Variants in CREBBP observed in about 807,000 individuals in gnomAD.
CREBBP encodes the protein CREB-binding protein.
In CREBBP, 19 loss-of-function variants were observed where a neutral mutation model predicts 265.0. The ratio of observed to expected loss-of-function variants is 0.07; its 90% CI spans 0.05 to 0.11. The LOEUF (loss-of-function observed/expected upper bound fraction) is 0.11, where lower values mean the gene tolerates loss of function less well. Ranked by LOEUF, CREBBP falls within the 10% of genes least tolerant of loss-of-function variation. CREBBP has a pLI of 1.00. For synonymous variants in CREBBP, 1,457 were observed against 1,223.7 expected, an observed-to-expected ratio of 1.19 and a Z score of -3.98; for missense variants, 2,525 against 3,219.0, an observed-to-expected ratio of 0.78 and a Z score of 5.22.
intron 2 of CREBBP, among the ~76,000 whole-genome samples, chr16:3,836,104 T>C (rs1291660748): frequency 6.6e-6 from 1 of 151,906 alleles, no homozygotes; most frequent in East Asian, 1.9e-4. Flanking sequence ...ATGATTCCAT[T>C]ACGTGAGGTC....
At chr16:3,849,479 GTGTGT>G (rs2054777486) in intron 2 of CREBBP, among the ~76,000 whole-genome samples, 7 of 121,046 alleles carry the variant, frequency 5.8e-5, no homozygotes, top group Non-Finnish European at 8.6e-5. Flanking sequence ...GTGTGTGTGT[GTGTGT>G]GTGTGATGTG....
chr16:3,803,898 T>C (rs1308765809), intron 3 of CREBBP, among the ~76,000 whole-genome samples: 1 of 151,966 alleles, frequency 6.6e-6, no homozygotes, highest in African/African-American at 2.4e-5. Context: ...CTCAGCAACA[T>C]GGCGAAACCT....
At chr16:3,789,903 C>T (rs1057234908) in intron 5 of CREBBP, among the ~76,000 whole-genome samples, 1 of 151,498 alleles carries the variant, frequency 6.6e-6, no homozygotes, top group Admixed American at 6.6e-5. Flanking sequence ...AAACCACATA[C>T]GCTTCTTTTT....
chr16:3,745,949 G>A (rs368923066), intron 21 of CREBBP, among the ~76,000 whole-genome samples: 7 of 152,230 alleles, frequency 4.6e-5, no homozygotes, highest in East Asian at 3.8e-4. Flanking sequence ...TGAAGCGAGA[G>A]AATGGACCAC....
At chr16:3,778,623 A>C in intron 9 of CREBBP, 77 bp downstream of exon 9, 1 of 1,210,282 alleles carries the variant, frequency 8.3e-7, no homozygotes, top group Admixed American at 1.7e-5. Context: ...CACTATTTCC[A>C]GATAACAAAG....
chr16:3,776,493 A>G (rs1013110359), intron 11 of CREBBP, among the ~76,000 whole-genome samples: 1 of 152,016 alleles, frequency 6.6e-6, no homozygotes, highest in East Asian at 1.9e-4. Flanking sequence ...CTGTGTGTAC[A>G]CTCTCTCCAG....
rs192450684 is a variant in CREBBP, at chr16:3,831,772, G to A, written c.798+18525C>T. Among the ~76,000 whole-genome samples the A allele has an allele frequency of 5.8e-3, 877 of 152,172 alleles. 4 individuals carry two copies. The highest frequency in any genetic ancestry group is 0.011 in the East Asian group (59 of 5,184). ...AGCACTTTGGGAGGCTGAGGCAGGC[G>A]GATCACTTGAGGTCAGGAGTTCGAC... On this transcript the variant is annotated intron_variant, in intron 2 of 30. Transcript: ENST00000262367.
At position 3,814,602 on chromosome 16, in the gene CREBBP, T is replaced by G. The variant is rs377455340; in HGVS notation, c.799-3823A>C. Among the ~76,000 whole-genome samples the G allele has an allele frequency of 5.9e-5, 9 of 152,276 alleles. No homozygotes were observed. In the South Asian group the frequency reaches 1.2e-3, roughly 21 times the overall value. ...GGTAACCCAGTGTTTGGAAGCGCTCTGACAGATTTCATCAAAAACGTGTTT... is the reference window on the plus strand; with the variant it reads ...GGTAACCCAGTGTTTGGAAGCGCTCGGACAGATTTCATCAAAAACGTGTTT... On this transcript the variant is annotated intron_variant, in intron 2 of 30. Transcript: ENST00000262367.
intron 3 of CREBBP, among the ~76,000 whole-genome samples, chr16:3,805,314 T>C (rs1567327353): frequency 6.6e-6 from 1 of 152,236 alleles, no homozygotes; most frequent in African/African-American, 2.4e-5. Context: ...TTCATAATCA[T>C]AGTGTAATTT....
At chr16:3,854,199 T>C (rs2054913995) in intron 1 of CREBBP, among the ~76,000 whole-genome samples, 1 of 152,054 alleles carries the variant, frequency 6.6e-6, no homozygotes, top group South Asian at 2.1e-4. Flanking sequence ...AGTGACACAA[T>C]CTCAGCTAAG....
intron 2 of CREBBP, among the ~76,000 whole-genome samples, chr16:3,849,752 T>C (rs2054787112): frequency 6.6e-6 from 1 of 151,920 alleles, no homozygotes; most frequent in South Asian, 2.1e-4. Context: ...AACAAGCTTC[T>C]AGGGGATGCT....
In CREBBP at chr16:3,727,294, C is replaced by G. The variant is rs900792095; in HGVS notation, c.*424G>C. 3 of 261,616 alleles carry G rather than the reference C, an allele frequency of 1.1e-5. No individual in the cohort carries two copies. The highest frequency in any genetic ancestry group is 2.2e-5 in the Non-Finnish European group (3 of 135,888). 16.2% of individuals were successfully genotyped at this position (261,616 alleles called of 1,614,324 possible). A position where few individuals can be genotyped will look rare whatever the true frequency, so the allele number is the denominator to read the frequency against. Reference sequence around the variant, plus strand: ...TATAAGCTTGCATTATTTCAGGAATCAGTTCTGAATATTATTTTTCTTCTT... The same window carrying G: ...TATAAGCTTGCATTATTTCAGGAATGAGTTCTGAATATTATTTTTCTTCTT... On this transcript the variant is annotated 3_prime_UTR_variant, in exon 31 of 31. Coordinates refer to ENST00000262367, the MANE Select transcript of CREBBP (RefSeq NM_004380.3).
At chr16:3,796,115 A>T (rs1218515203) in intron 3 of CREBBP, among the ~76,000 whole-genome samples, 2 of 152,208 alleles carry the variant, frequency 1.3e-5, no homozygotes, top group Non-Finnish European at 2.9e-5. Context: ...ACTGTGTCTT[A>T]AAGTACAGAA....
At chr16:3,852,356 G>A (rs941323711) in intron 1 of CREBBP, among the ~76,000 whole-genome samples, 2 of 150,932 alleles carry the variant, frequency 1.3e-5, no homozygotes, top group African/African-American at 4.9e-5. Context: ...TTTTAGTAGA[G>A]ACGGGGTTTC....
In CREBBP at chr16:3,728,673, G is replaced by T. The variant is rs2051821409; in HGVS notation, c.6374C>A (p.Pro2125His). 2.5e-6 allele frequency: 4 copies of T among 1,613,844 alleles called. No homozygotes were observed. The highest frequency in any genetic ancestry group is 1.7e-5 in the Admixed American group (1 of 60,008). The stretch of plus-strand genomic sequence containing the variant: ...CATGCCAGGCTGGGGTTGCATGCCG[G>T]GCTGGGACTGGAGGCCAGGCTGGGG... The part of the protein sequence containing the change: ...MQPQPGLQSQ[P>H]GMQPQPGMHQ... The change falls in exon 31 of 31, where the codon CCC becomes CAC. Residue 2125 changes from proline to histidine, a missense_variant. Physicochemically the swap from Pro to His is moderately conservative, Grantham distance 77. Around this residue, in one of 19 missense-constraint regions of CREBBP, gnomAD observed 473 missense variants for 459.3 expected, o/e 1.03. Coordinates refer to ENST00000262367, the MANE Select transcript of CREBBP (RefSeq NM_004380.3). This position sits in a 1 kb window ranked among gnomAD's most constrained non-coding sequence, Gnocchi z 8.7.
chr16:3,802,114 ATTTTTTTTTTTTTTTTTTTTTT>A (rs71133657), intron 3 of CREBBP, among the ~76,000 whole-genome samples: 2 of 50,580 alleles, frequency 4.0e-5, no homozygotes, highest in South Asian at 1.2e-3. Context: ...GTATTCCTTA[ATTTTTTTTTTTTTTTTTTTTTT>A]TTTTTTTTTT....
At position 3,770,909 on chromosome 16, in the gene CREBBP, T is replaced by A. The variant is rs772348034; in HGVS notation, c.2541A>T (p.Pro847=). The A allele has an allele frequency of 6.2e-7, 1 of 1,613,760 alleles. No homozygotes were observed. The highest frequency in any genetic ancestry group is 8.5e-7 in the Non-Finnish European group (1 of 1,180,000). The change falls in exon 14 of 31, where the codon CCA becomes CCT. Residue 847 remains proline (P), a synonymous_variant. Transcript: ENST00000262367. ...GPQASQLPCP[P]VTQSPLHPTP... ...TTGGGTGCAGTGGTGACTGTGTCAC[T>A]GGAGGGCAAGGTAGCTGGCTGGCCT...
At chr16:3,818,448 C>T (rs978909001) in intron 2 of CREBBP, among the ~76,000 whole-genome samples, 1 of 151,826 alleles carries the variant, frequency 6.6e-6, no homozygotes, top group Admixed American at 6.6e-5. Context: ...GCTGGGACTA[C>T]AGGCGCGTGC....
chr16:3,796,703 T>C (rs1383385013), intron 3 of CREBBP, among the ~76,000 whole-genome samples: 2 of 152,190 alleles, frequency 1.3e-5, no homozygotes, highest in Non-Finnish European at 2.9e-5. Context: ...GTATTTTTAA[T>C]AGTGTCTTTT....
Sources: gnomAD v4.1 joint callset for allele counts (sites outside exome capture counted in the v4.1 genomes callset) on GRCh38, gnomAD v4.1.1 for gene constraint, gnomAD v4.1.1 regional missense constraint, Gnocchi (gnomAD v3.1) non-coding constraint, MANE v1.5 for transcripts, NCBI Gene and HGNC (gene_info 2026-07-23, HGNC 2026-07-21) for gene names.